The following TRDN variants were observed in gnomAD, a reference collection of about 807,000 sequenced individuals.
TRDN encodes the protein triadin, also known as triadin in skeletal muscle.
Under a neutral mutation model 149.7 loss-of-function variants are expected in TRDN, and 161 were observed. The observed-to-expected ratio is 1.08, with a 90% CI of 0.95 to 1.23. TRDN has a LOEUF of 1.23. Ranked by LOEUF, TRDN falls within the 50% of genes most tolerant of loss-of-function variation. The pLI is 0.00. For synonymous variants in TRDN, 294 were observed against 250.5 expected, an observed-to-expected ratio of 1.17 and a Z score of -1.64; for missense variants, 896 against 823.5, an observed-to-expected ratio of 1.09 and a Z score of -1.08.
chr6:123,255,866 C>A lies in TRDN; in HGVS notation c.1906+1G>T. On this transcript the variant is annotated splice_donor_variant, in intron 36 of 40. Coordinates refer to ENST00000334268, the MANE Select transcript of TRDN (RefSeq NM_006073.4). LOFTEE classifies it high-confidence loss of function. ...TATTTTTTATTCTTTTAAAAAATTACCTTTTTCTTCTCTAAGATGCTTCAT... is the reference window on the plus strand; with the variant it reads ...TATTTTTTATTCTTTTAAAAAATTAACTTTTTCTTCTCTAAGATGCTTCAT... 1 of 1,344,926 alleles carries A rather than the reference C, an allele frequency of 7.4e-7. No homozygotes were observed. The highest frequency in any genetic ancestry group is 1.6e-5 in the African/African-American group (1 of 64,504). The allele number at this position is 1,344,926 out of a possible 1,614,324, so 83.3% of individuals were successfully genotyped here. A position where few individuals can be genotyped will look rare whatever the true frequency, so the allele number is the denominator to read the frequency against.
At chr6:123,381,861 T>C (rs1478275368) in intron 15 of TRDN, among the ~76,000 whole-genome samples, 3 of 152,138 alleles carry the variant, frequency 2.0e-5, no homozygotes, top group South Asian at 2.1e-4. Context: ...TAAGTAAACA[T>C]TTCTTTGGAA....
intron 38 of TRDN, among the ~76,000 whole-genome samples, chr6:123,251,539 C>A (rs182205412): frequency 1.5e-3 from 226 of 151,638 alleles, no homozygotes; most frequent in African/African-American, 5.2e-3. Flanking sequence ...TTTGTTTTGT[C>A]TTTTAATGTG....
At chr6:123,408,972 A>G (rs997572125) in intron 12 of TRDN, among the ~76,000 whole-genome samples, 2 of 152,142 alleles carry the variant, frequency 1.3e-5, no homozygotes, top group Non-Finnish European at 2.9e-5. Context: ...ACTTTACAAT[A>G]TACTTAACAT....
chr6:123,528,098 T>C lies in TRDN; in HGVS notation c.484+2408A>G, dbSNP rs769133103. On this transcript the variant is annotated intron_variant, in intron 5 of 40. Transcript: ENST00000334268. Reference sequence around the variant, plus strand: ...GACAAAGTAGAAATAAAAGTTAGCTTGATATGATAAAGTAAAATTATTTAA... The same window carrying C: ...GACAAAGTAGAAATAAAAGTTAGCTCGATATGATAAAGTAAAATTATTTAA... Among the ~76,000 whole-genome samples the C allele has an allele frequency of 2.0e-5, 3 of 152,026 alleles. No individual in the cohort carries two copies. In the South Asian group the frequency reaches 6.2e-4, roughly 32 times the overall value.
intron 21 of TRDN, among the ~76,000 whole-genome samples, chr6:123,345,062 TA>T: frequency 6.6e-6 from 1 of 152,032 alleles, no homozygotes; most frequent in Non-Finnish European, 1.5e-5. Context: ...CCAACTTATA[TA>T]TTTTTTTTCT....
intron 38 of TRDN, among the ~76,000 whole-genome samples, chr6:123,226,973 A>G (rs1233041210): frequency 6.6e-6 from 1 of 151,904 alleles, no homozygotes; most frequent in South Asian, 2.1e-4. Flanking sequence ...ACAATATGAA[A>G]AAAGGCTAGA....
intron 23 of TRDN, among the ~76,000 whole-genome samples, chr6:123,319,488 T>C (rs932189618): frequency 6.6e-6 from 1 of 152,098 alleles, no homozygotes; most frequent in Non-Finnish European, 1.5e-5. Flanking sequence ...TGTGTGTATA[T>C]ATATAAACTT....
chr6:123,297,277 T>C (rs1371819189), intron 24 of TRDN, among the ~76,000 whole-genome samples: 1 of 152,082 alleles, frequency 6.6e-6, no homozygotes, highest in African/African-American at 2.4e-5. Context: ...TTATCTGATA[T>C]TTTGCCTCAA....
At chr6:123,546,792 C>G (rs998291676) in intron 4 of TRDN, among the ~76,000 whole-genome samples, 1 of 152,002 alleles carries the variant, frequency 6.6e-6, no homozygotes, top group Non-Finnish European at 1.5e-5. Context: ...AGTAATTCCT[C>G]TACAGCACAT....
intron 1 of TRDN, among the ~76,000 whole-genome samples, chr6:123,580,864 A>G (rs552178744): frequency 4.3e-4 from 66 of 151,894 alleles, no homozygotes; most frequent in Non-Finnish European, 7.4e-4. Context: ...ACTTGAAGAA[A>G]CTCTCTTTAA....
At chr6:123,617,558 G>A (rs545282876) in intron 1 of TRDN, among the ~76,000 whole-genome samples, 19 of 152,084 alleles carry the variant, frequency 1.2e-4, no homozygotes, top group African/African-American at 4.1e-4. Flanking sequence ...TTCATTTCTT[G>A]GCTTGAAAGT....
chr6:123,625,371 G>A (rs1415749824), intron 1 of TRDN, among the ~76,000 whole-genome samples: 1 of 151,948 alleles, frequency 6.6e-6, no homozygotes, highest in Non-Finnish European at 1.5e-5. Context: ...CTGTATCCTA[G>A]TGTATATAAA....
intron 21 of TRDN, chr6:123,351,042 G>C: frequency 3.3e-6 from 3 of 906,096 alleles, no homozygotes; most frequent in Non-Finnish European, 2.5e-6. Context: ...TATTAGTGTG[G>C]GTGTTTTATA....
At chr6:123,372,855 C>G (rs1030697699) in intron 19 of TRDN, among the ~76,000 whole-genome samples, 1 of 152,146 alleles carries the variant, frequency 6.6e-6, no homozygotes, top group Non-Finnish European at 1.5e-5. Flanking sequence ...TGTGGAGAGG[C>G]ACATGCAGGG....
chr6:123,264,186 G>A (rs948147789), intron 33 of TRDN, among the ~76,000 whole-genome samples: 3 of 152,150 alleles, frequency 2.0e-5, no homozygotes, highest in Non-Finnish European at 2.9e-5. Flanking sequence ...TGATAGATCC[G>A]TGCAAAGTAA....
chr6:123,443,070 T>C (rs532868948), intron 10 of TRDN, among the ~76,000 whole-genome samples: 25 of 152,260 alleles, frequency 1.6e-4, no homozygotes, highest in African/African-American at 5.8e-4. Flanking sequence ...TCATCTTGCA[T>C]TTATTTTCTA....
intron 10 of TRDN, among the ~76,000 whole-genome samples, chr6:123,443,787 C>A (rs1775099506): frequency 6.8e-6 from 1 of 147,968 alleles, no homozygotes; most frequent in African/African-American, 2.6e-5. Context: ...ATCCTTTCCC[C>A]ATTGCTTGTT....
chr6:123,262,197 A>G (rs909514038), intron 33 of TRDN, among the ~76,000 whole-genome samples: 1 of 152,004 alleles, frequency 6.6e-6, no homozygotes, highest in African/African-American at 2.4e-5. Flanking sequence ...AAATTAGAAA[A>G]TAAAAAGCTA....
At chr6:123,435,157 TA>T (rs547316860) in intron 12 of TRDN, among the ~76,000 whole-genome samples, 1 of 150,550 alleles carries the variant, frequency 6.6e-6, no homozygotes, top group African/African-American at 2.4e-5. Context: ...AACATTAACA[TA>T]AATATAATAA....
Sources: allele counts gnomAD v4.1 joint callset (sites outside exome capture counted in the v4.1 genomes callset), GRCh38; gene constraint gnomAD v4.1.1; transcripts MANE v1.5; gene names NCBI Gene and HGNC (gene_info 2026-07-23, HGNC 2026-07-21).